PARD6G: variants seen among roughly 807,000 people sequenced by gnomAD.
PARD6G encodes the protein partitioning defective 6 homolog gamma.
A neutral mutation model predicts 10.7 loss-of-function variants in PARD6G; 7 were observed. The observed-to-expected ratio is 0.66, with a 90% CI of 0.37 to 1.23. The LOEUF is 1.23. Ranked by LOEUF, PARD6G falls within the 50% of genes most tolerant of loss-of-function variation. The pLI, the probability that PARD6G is intolerant of heterozygous loss-of-function variation, is 0.02. For missense variants in PARD6G, 548 were observed against 571.8 expected (o/e 0.96, Z 0.42); for synonymous variants, 287 against 269.4 (o/e 1.07, Z -0.64).
At chr18:80,171,446 A>C (rs146189649) in intron 2 of PARD6G, 2 of 152,290 alleles carry the variant, frequency 1.3e-5, no homozygotes, top group Non-Finnish European at 2.9e-5. Context: ...GGTTGCCGGC[A>C]TCACCGGCCC....
chr18:80,242,086 G>T (rs1967496184), intron 1 of PARD6G, among the ~76,000 whole-genome samples: 1 of 152,168 alleles, frequency 6.6e-6, no homozygotes, highest in Non-Finnish European at 1.5e-5. Flanking sequence ...AAGGCCATCA[G>T]AGTCTCCCAG....
intron 1 of PARD6G, among the ~76,000 whole-genome samples, chr18:80,245,522 C>T (rs1014048294): frequency 3.9e-5 from 6 of 152,048 alleles, no homozygotes; most frequent in Non-Finnish European, 7.4e-5. Context: ...AGGTCTGTGT[C>T]CAGGATACGA....
intron 2 of PARD6G, among the ~76,000 whole-genome samples, chr18:80,195,331 C>A (rs1390649648): frequency 6.6e-6 from 1 of 151,784 alleles, no homozygotes; most frequent in African/African-American, 2.4e-5. Flanking sequence ...ACAGGAGCGT[C>A]CATGAATACA....
At chr18:80,178,217 A>C (rs1481239227) in intron 2 of PARD6G, 1 of 162,776 alleles carries the variant, frequency 6.1e-6, no homozygotes, top group Non-Finnish European at 1.5e-5. Context: ...AATCTCAACC[A>C]CCCGCTCCCA....
chr18:80,179,550 C>T (rs1481931670), intron 2 of PARD6G, among the ~76,000 whole-genome samples: 2 of 152,218 alleles, frequency 1.3e-5, no homozygotes, highest in Admixed American at 1.3e-4. Flanking sequence ...GGGTCCCCTG[C>T]TGCCCTGGGC....
At chr18:80,174,053 C>T (rs1166413817) in intron 2 of PARD6G, among the ~76,000 whole-genome samples, 1 of 152,176 alleles carries the variant, frequency 6.6e-6, no homozygotes, top group Non-Finnish European at 1.5e-5. Context: ...CAGTGCTGAG[C>T]CCAGTGTTGA....
rs576895259 is a variant in PARD6G at position 80,225,505 on chromosome 18, T to C, written c.72+21772A>G. On this transcript the variant is annotated intron_variant, in intron 1 of 2. Coordinates refer to ENST00000353265, the MANE Select transcript of PARD6G (RefSeq NM_032510.4). ...CAACTGAATGTCCCCTTCACAGTTA[T>C]CCTGCTCACTCTCTGCCACAGTGCT... Among the ~76,000 whole-genome samples, 86 of 152,316 alleles carry C rather than the reference T, an allele frequency of 5.6e-4. 1 individual carries two copies. Among genetic ancestry groups the C allele is most frequent in the Non-Finnish European group, 1.2e-4 (8 of 68,026 alleles).
chr18:80,160,958 G>T (rs1257639266), intron 2 of PARD6G, among the ~76,000 whole-genome samples: 1 of 152,182 alleles, frequency 6.6e-6, no homozygotes, highest in African/African-American at 2.4e-5. Context: ...CTGGACTGGG[G>T]ACTTCTTAAG....
In PARD6G at chr18:80,201,430, A is replaced by G. The variant is rs1396522197; in HGVS notation, c.295+1280T>C. 1.3e-5 allele frequency among the ~76,000 whole-genome samples: 2 copies of G among 152,184 alleles called. No individual in the cohort carries two copies. Among genetic ancestry groups the G allele is most frequent in the Non-Finnish European group, 2.9e-5 (2 of 68,026 alleles). The stretch of plus-strand genomic sequence containing the variant: ...TGTGCAGAGCCATGCAGAGACAGCG[A>G]GGGTCCTTGCCCCCAGCAACCCCGA... On this transcript the variant is annotated intron_variant, in intron 2 of 2. Transcript: ENST00000353265. This position sits in a 1 kb window ranked among gnomAD's most constrained non-coding sequence, Gnocchi z 5.9.
chr18:80,176,696 C>T (rs985620196), intron 2 of PARD6G, among the ~76,000 whole-genome samples: 1 of 152,152 alleles, frequency 6.6e-6, no homozygotes, highest in Non-Finnish European at 1.5e-5. Flanking sequence ...AAGAAAGCCT[C>T]CCCCCTCATT....
intron 2 of PARD6G, among the ~76,000 whole-genome samples, chr18:80,199,440 A>G (rs966218691): frequency 1.3e-5 from 2 of 152,170 alleles, no homozygotes; most frequent in Admixed American, 6.5e-5. Flanking sequence ...CAGCTGATGG[A>G]CGCGTGGGCT....
At chr18:80,202,663 A>C in intron 2 of PARD6G, 47 bp downstream of exon 2, 4 of 1,544,932 alleles carry the variant, frequency 2.6e-6, no homozygotes, top group Non-Finnish European at 3.6e-6. Context: ...TGTATTTTAA[A>C]AATGATTTCT....
Position 80,247,454 on chromosome 18 carries a change from T to C in PARD6G, c.-106A>G. On this transcript the variant is annotated 5_prime_UTR_variant, in exon 1 of 3. Coordinates refer to ENST00000353265, the MANE Select transcript of PARD6G (RefSeq NM_032510.4). This position sits in a 1 kb window ranked among gnomAD's most constrained non-coding sequence, Gnocchi z 4.2. ...CCCCGGCCCCGGCCCCGGCCCGCGC[T>C]CGCTTGGCCGGCGGGCTGCTCCCGG... 1 of 757,816 alleles carries C rather than the reference T, an allele frequency of 1.3e-6. No individual in the cohort carries two copies. The highest frequency in any genetic ancestry group is 2.0e-5 in the African/African-American group (1 of 50,110). 46.9% of individuals were successfully genotyped at this position (757,816 alleles called of 1,614,324 possible).
intron 1 of PARD6G, among the ~76,000 whole-genome samples, chr18:80,224,807 A>G (rs1441093731): frequency 6.6e-6 from 1 of 151,968 alleles, no homozygotes; most frequent in East Asian, 1.9e-4. Flanking sequence ...AGATCGCGCC[A>G]CTGCTCTCCA....
chr18:80,165,319 T>G (rs551843032), intron 2 of PARD6G, among the ~76,000 whole-genome samples: 1 of 152,340 alleles, frequency 6.6e-6, no homozygotes, highest in African/African-American at 2.4e-5. Context: ...CCTACTTCCA[T>G]GTCCATTTAT....
chr18:80,167,600 A>G (rs779989581), intron 2 of PARD6G, among the ~76,000 whole-genome samples: 2 of 152,066 alleles, frequency 1.3e-5, no homozygotes, highest in Non-Finnish European at 2.9e-5. Flanking sequence ...CAGAGGGTGG[A>G]GCTGGGGCCA....
chr18:80,209,787 A>G (rs1967088731), intron 1 of PARD6G, among the ~76,000 whole-genome samples: 1 of 152,244 alleles, frequency 6.6e-6, no homozygotes, highest in African/African-American at 2.4e-5. Context: ...ACTCCAGCCT[A>G]GATGACAGAG....
rs1966910237 is a variant in PARD6G at position 80,192,704 on chromosome 18, G to C, written c.295+10006C>G. Among the ~76,000 whole-genome samples, 1 of 152,186 alleles carries C rather than the reference G, an allele frequency of 6.6e-6. No homozygotes were observed. Among genetic ancestry groups the C allele is most frequent in the South Asian group, 2.1e-4 (1 of 4,826 alleles). On this transcript the variant is annotated intron_variant, in intron 2 of 2. Coordinates refer to ENST00000353265, the MANE Select transcript of PARD6G (RefSeq NM_032510.4). This position sits in a 1 kb window ranked among gnomAD's most constrained non-coding sequence, Gnocchi z 4.9. ...AAAGACAAGGAGGGAAGAATGATAA[G>C]AGTGAAAGAAAAGCACACCTGGCCT...
intron 2 of PARD6G, among the ~76,000 whole-genome samples, chr18:80,177,255 C>T (rs1166226260): frequency 5.0e-4 from 60 of 119,256 alleles, no homozygotes; most frequent in Non-Finnish European, 8.2e-4. Flanking sequence ...CAGTACAAAT[C>T]ACAGCCCAAA....
Sources: gnomAD v4.1 joint callset for allele counts (sites outside exome capture counted in the v4.1 genomes callset) on GRCh38, gnomAD v4.1.1 for gene constraint, Gnocchi (gnomAD v3.1) non-coding constraint, MANE v1.5 for transcripts, NCBI Gene and HGNC (gene_info 2026-07-23, HGNC 2026-07-21) for gene names.